CNTNAP5: variants seen among roughly 807,000 people sequenced by gnomAD.
The protein encoded by CNTNAP5 is contactin-associated protein-like 5.
In CNTNAP5, 72 loss-of-function variants were observed where a neutral mutation model predicts 150.2. The ratio of observed to expected loss-of-function variants is 0.48; its 90% CI spans 0.40 to 0.58. The LOEUF is 0.58. Ranked by LOEUF, CNTNAP5 falls within the 20% of genes least tolerant of loss-of-function variation. The pLI is 0.00. For synonymous variants in CNTNAP5, 672 were observed against 619.8 expected, an observed-to-expected ratio of 1.08 and a Z score of -1.25; for missense variants, 1,636 against 1,626.2, an observed-to-expected ratio of 1.01 and a Z score of -0.10.
At position 124,606,187 on chromosome 2, in the gene CNTNAP5, T is replaced by C. The variant is rs181237665; in HGVS notation, c.1757-3614T>C. ...ATCACATTATAATATGTAGTTAATC[T>C]ATGAATAGCATTTACAATGTCATAT... On this transcript the variant is annotated intron_variant, in intron 11 of 23. Transcript: ENST00000682447. Among the ~76,000 whole-genome samples, 30 of 152,194 alleles carry C rather than the reference T, an allele frequency of 2.0e-4. 1 individual carries two copies. In the East Asian group the frequency reaches 2.7e-3, roughly 14 times the overall value.
At chr2:124,327,673 C>A (rs1021274074) in intron 3 of CNTNAP5, among the ~76,000 whole-genome samples, 1 of 152,176 alleles carries the variant, frequency 6.6e-6, no homozygotes, top group East Asian at 1.9e-4. Flanking sequence ...ACTCTTTCAA[C>A]CAATTGCCAA....
intron 13 of CNTNAP5, among the ~76,000 whole-genome samples, chr2:124,652,385 G>A (rs924353973): frequency 1.3e-5 from 2 of 152,146 alleles, no homozygotes; most frequent in Admixed American, 1.3e-4. Context: ...CCTTGTCACA[G>A]GGAAGGAGAC....
chr2:124,578,537 C>T (rs1334354061), intron 11 of CNTNAP5, among the ~76,000 whole-genome samples: 1 of 151,884 alleles, frequency 6.6e-6, no homozygotes, highest in African/African-American at 2.4e-5. Flanking sequence ...TTCAGAAGGC[C>T]GAGGCGGTGG....
chr2:124,376,419 G>A (rs558588887), intron 3 of CNTNAP5, among the ~76,000 whole-genome samples: 2 of 152,108 alleles, frequency 1.3e-5, no homozygotes, highest in African/African-American at 2.4e-5. Flanking sequence ...GTTTCATTTG[G>A]GTAAGTGGAG....
At chr2:124,672,863 A>C (rs1368738015) in intron 13 of CNTNAP5, among the ~76,000 whole-genome samples, 1 of 152,198 alleles carries the variant, frequency 6.6e-6, no homozygotes, top group Non-Finnish European at 1.5e-5. Context: ...AAAATGTAAT[A>C]ATTAAAACTA....
At chr2:124,677,833 A>G (rs1252243780) in intron 13 of CNTNAP5, among the ~76,000 whole-genome samples, 1 of 151,962 alleles carries the variant, frequency 6.6e-6, no homozygotes, top group East Asian at 1.9e-4. Flanking sequence ...GTCCCCACCC[A>G]ACCCAGAAGC....
intron 1 of CNTNAP5, among the ~76,000 whole-genome samples, chr2:124,205,294 C>T: frequency 6.6e-6 from 1 of 152,160 alleles, no homozygotes; most frequent in East Asian, 1.9e-4. Flanking sequence ...CCCCTGCTTG[C>T]ACTTTTCTCT....
chr2:124,647,883 G>T lies in CNTNAP5; in HGVS notation c.2002G>T (p.Val668Leu), dbSNP rs781477470. ...GGGCAGCATGGAACAGCTGGAGGCC[G>T]TGATCGACGGCTCTGAGCACTGTGA... ...YGGSMEQLEA[V>L]IDGSEHCEQE... The change falls in exon 13 of 24, where the codon GTG (valine) becomes TTG (leucine). Residue 668 changes from valine (V) to leucine (L), a missense_variant. Val to Leu is a conservative substitution (Grantham distance 32). Coordinates refer to ENST00000682447, the MANE Select transcript of CNTNAP5 (RefSeq NM_001367498.1). The T allele has an allele frequency of 6.2e-7, 1 of 1,612,498 alleles. No individual in the cohort carries two copies.
chr2:124,590,126 C>A (rs1696647259), intron 11 of CNTNAP5, among the ~76,000 whole-genome samples: 1 of 152,148 alleles, frequency 6.6e-6, no homozygotes, highest in South Asian at 2.1e-4. Flanking sequence ...AGAAGGTCCT[C>A]ACTAGATGCA....
At position 124,455,436 on chromosome 2, in the gene CNTNAP5, CCAGA is replaced by C. The variant is rs1693097253; in HGVS notation, c.918+8503_918+8506del. Among the ~76,000 whole-genome samples, 2 of 152,020 alleles carry C rather than the reference CCAGA, an allele frequency of 1.3e-5. 1 individual carries two copies. The highest frequency in any genetic ancestry group is 1.3e-4 in the Admixed American group (2 of 15,268). ...AATTACCAATAAAAAAAGTCCAGGA[CCAGA>C]CAGTTTCACAGCAGAATTCTACCAG... On this transcript the variant is annotated intron_variant, in intron 6 of 23. Coordinates refer to ENST00000682447, the MANE Select transcript of CNTNAP5 (RefSeq NM_001367498.1).
chr2:124,312,893 C>T (rs1157919073), intron 3 of CNTNAP5, among the ~76,000 whole-genome samples: 2 of 152,122 alleles, frequency 1.3e-5, no homozygotes, highest in Admixed American at 6.5e-5. Context: ...TTAGTAGAGA[C>T]GGGGTTTTGC....
intron 13 of CNTNAP5, among the ~76,000 whole-genome samples, chr2:124,680,005 G>A (rs1006266088): frequency 2.6e-5 from 4 of 151,690 alleles, no homozygotes; most frequent in East Asian, 1.9e-4. Flanking sequence ...TATTTCCATC[G>A]ATTTTTTATC....
intron 2 of CNTNAP5, among the ~76,000 whole-genome samples, chr2:124,230,812 G>A (rs1180542493): frequency 2.0e-5 from 3 of 152,100 alleles, no homozygotes; most frequent in Non-Finnish European, 2.9e-5. Context: ...TATTACAGGC[G>A]TGAGCCACTG....
At chr2:124,560,914 A>G (rs1175809961) in intron 10 of CNTNAP5, among the ~76,000 whole-genome samples, 1 of 151,778 alleles carries the variant, frequency 6.6e-6, no homozygotes, top group African/African-American at 2.4e-5. Flanking sequence ...TTTTTATTTT[A>G]TAGTTTCAGC....
intron 11 of CNTNAP5, among the ~76,000 whole-genome samples, chr2:124,607,193 T>C (rs1051358620): frequency 3.9e-5 from 6 of 152,198 alleles, no homozygotes; most frequent in Non-Finnish European, 7.3e-5. Context: ...AGAGTGTCTC[T>C]GGGACCGTAA....
At chr2:124,502,454 C>G (rs1694299692) in intron 7 of CNTNAP5, among the ~76,000 whole-genome samples, 1 of 152,162 alleles carries the variant, frequency 6.6e-6, no homozygotes, top group Non-Finnish European at 1.5e-5. Context: ...AAAGGGGATA[C>G]TTTTGCAACC....
intron 14 of CNTNAP5, among the ~76,000 whole-genome samples, chr2:124,763,075 A>G (rs967928554): frequency 1.9e-4 from 29 of 152,226 alleles, no homozygotes; most frequent in East Asian, 5.8e-4. Context: ...ACTTTATCCA[A>G]AGGTGATTAG....
intron 19 of CNTNAP5, 94 bp from the exon 20 acceptor site, chr2:124,865,212 G>T: frequency 2.1e-6 from 2 of 955,284 alleles, no homozygotes; most frequent in Non-Finnish European, 3.1e-6. Flanking sequence ...TTAAGACCTG[G>T]GGCCCTAATA....
intron 17 of CNTNAP5, among the ~76,000 whole-genome samples, chr2:124,788,467 A>G (rs1393290748): frequency 6.6e-6 from 1 of 152,228 alleles, no homozygotes; most frequent in African/African-American, 2.4e-5. Context: ...TAATTTAAGG[A>G]TTAATCAGCA....
Sources: allele counts gnomAD v4.1 joint callset (sites outside exome capture counted in the v4.1 genomes callset), GRCh38; gene constraint gnomAD v4.1.1; transcripts MANE v1.5; gene names NCBI Gene and HGNC (gene_info 2026-07-23, HGNC 2026-07-21).